Variants in ANKAR observed in about 807,000 individuals in gnomAD.
ANKAR encodes ankyrin and armadillo repeat-containing protein.
ANKAR carries 136 observed loss-of-function variants against 146.2 expected under a neutral mutation model. The observed-to-expected ratio is 0.93, with a 90% CI of 0.81 to 1.07. The LOEUF is 1.07. Among genes scored for constraint, ANKAR ranks in the 50% least tolerant of loss-of-function variants. ANKAR has a pLI of 0.00. For missense variants in ANKAR, 1,567 were observed against 1,679.9 expected, an observed-to-expected ratio of 0.93 and a Z score of 1.18; for synonymous variants, 500 against 575.8, an observed-to-expected ratio of 0.87 and a Z score of 1.88.
intron 10 of ANKAR, among the ~76,000 whole-genome samples, chr2:189,717,646 AC>A (rs929685027): frequency 1.3e-5 from 2 of 152,260 alleles, no homozygotes; most frequent in African/African-American, 4.8e-5. Context: ...ACATAGGTTT[AC>A]TGTGGCACTA....
intron 18 of ANKAR, among the ~76,000 whole-genome samples, chr2:189,757,257 T>C (rs1007441945): frequency 2.6e-5 from 4 of 152,060 alleles, no homozygotes; most frequent in Admixed American, 1.3e-4. Flanking sequence ...GGGAGATGGA[T>C]TTACTATGAA....
At chr2:189,737,650 G>A (rs770198298) in intron 17 of ANKAR, 33 bp from the exon 18 acceptor site, 3 of 1,559,278 alleles carry the variant, frequency 1.9e-6, no homozygotes, top group African/African-American at 1.4e-5. Context: ...GATAAATGAA[G>A]TTCACCATAA....
In ANKAR at chr2:189,693,194, A is replaced by G. The variant is rs772503003; in HGVS notation, c.1307+17A>G. On this transcript the variant is annotated intron_variant, in intron 5 of 22. Transcript: ENST00000684021. ...TGGAAAAAGGTACGGAGCTTTCACT[A>G]ATTACTGACATTAACTACAATTTTT... The G allele has an allele frequency of 1.6e-5, 24 of 1,457,328 alleles. No homozygotes were observed. The Admixed American group carries it at 4.2e-4, about 26-fold the overall frequency. 90.3% of individuals were successfully genotyped at this position (1,457,328 alleles called of 1,614,324 possible).
intron 20 of ANKAR, among the ~76,000 whole-genome samples, chr2:189,742,294 A>C (rs1485865432): frequency 6.6e-6 from 1 of 152,200 alleles, no homozygotes; most frequent in Non-Finnish European, 1.5e-5. Flanking sequence ...AAGACATATG[A>C]GCATACAGAG....
rs1181614618 is a variant in ANKAR, at chr2:189,711,154, G to C, written c.2224+1G>C. ...TACTGGAGATGTATTTTGGATGCAG[G>C]TGATGCAAACTCTATTAATAACTTT... On this transcript the variant is annotated splice_donor_variant, in intron 10 of 22. Coordinates refer to ENST00000684021, the MANE Select transcript of ANKAR (RefSeq NM_001378068.1). LOFTEE classifies it high-confidence loss of function. The C allele has an allele frequency of 6.2e-7, 1 of 1,606,090 alleles. No individual in the cohort carries two copies. The highest frequency in any genetic ancestry group is 8.5e-7 in the Non-Finnish European group (1 of 1,174,352).
At chr2:189,686,898 C>G (rs1184676673) in intron 2 of ANKAR, among the ~76,000 whole-genome samples, 1 of 152,148 alleles carries the variant, frequency 6.6e-6, no homozygotes, top group Non-Finnish European at 1.5e-5. Context: ...ACACGGCATA[C>G]AATGCCTAAT....
intron 17 of ANKAR, among the ~76,000 whole-genome samples, chr2:189,734,474 C>T (rs754514402): frequency 5.3e-5 from 8 of 152,164 alleles, no homozygotes; most frequent in Middle Eastern, 6.8e-3. Flanking sequence ...TGTGGACTGT[C>T]ACTGGTCCAC....
intron 16 of ANKAR, among the ~76,000 whole-genome samples, 199 bp from the exon 17 acceptor site, chr2:189,732,908 A>T (rs1294114266): frequency 6.6e-6 from 1 of 151,988 alleles, no homozygotes; most frequent in African/African-American, 2.4e-5. Flanking sequence ...CAGAAAGGAT[A>T]TTTTCTCAGC....
At chr2:189,690,055 G>A (rs2036160031) in intron 3 of ANKAR, 91 bp downstream of exon 3, 9 of 862,702 alleles carry the variant, frequency 1.0e-5, no homozygotes, top group African/African-American at 5.3e-5. Context: ...ATGGGTGCAG[G>A]CAGTAACCTA....
At chr2:189,725,279 TACACACACACACACAC>T (rs10546393) in intron 12 of ANKAR, among the ~76,000 whole-genome samples, 16 of 146,464 alleles carry the variant, frequency 1.1e-4, no homozygotes, top group Non-Finnish European at 2.1e-4. Context: ...TATGGATTTA[TACACACACACACACAC>T]ACACACACAC....
In ANKAR at chr2:189,736,966, T is replaced by A. The variant is rs118101876; in HGVS notation, c.3424-717T>A. Reference sequence around the variant, plus strand: ...GCACACGCCTTTGGTCTTAGCTACTTGGGAGGCTGAAGTGGGAGCATTGCT... The same window carrying A: ...GCACACGCCTTTGGTCTTAGCTACTAGGGAGGCTGAAGTGGGAGCATTGCT... On this transcript the variant is annotated intron_variant, in intron 17 of 22. Coordinates refer to ENST00000684021, the MANE Select transcript of ANKAR (RefSeq NM_001378068.1). Among the ~76,000 whole-genome samples, 503 of 151,270 alleles carry A rather than the reference T, an allele frequency of 3.3e-3. 16 individuals are homozygous for A. In the East Asian group the frequency reaches 0.082, roughly 25 times the overall value.
intron 9 of ANKAR, among the ~76,000 whole-genome samples, chr2:189,708,262 A>G (rs895397809): frequency 1.3e-5 from 2 of 152,226 alleles, no homozygotes; most frequent in African/African-American, 4.8e-5. Flanking sequence ...TACAGTACAA[A>G]AAGATATTTT....
intron 18 of ANKAR, among the ~76,000 whole-genome samples, chr2:189,758,188 C>A (rs1356999945): frequency 5.3e-5 from 8 of 152,192 alleles, no homozygotes; most frequent in Admixed American, 3.9e-4. Context: ...TTCGAGACAG[C>A]CTGACCAACA....
At chr2:189,723,507 A>C (rs1405308222) in intron 12 of ANKAR, among the ~76,000 whole-genome samples, 3 of 152,188 alleles carry the variant, frequency 2.0e-5, no homozygotes, top group African/African-American at 7.2e-5. Context: ...AACTGAGAAA[A>C]ACTTAAAAGA....
At chr2:189,749,530 G>A (rs1008667264), downstream of ANKAR, among the ~76,000 whole-genome samples, 1 of 151,638 alleles carries the variant, frequency 6.6e-6, no homozygotes, top group African/African-American at 2.4e-5. Context: ...AATATTTGCA[G>A]TACAAAGTTT....
intron 2 of ANKAR, 90 bp downstream of exon 2, chr2:189,677,181 G>A: frequency 7.5e-7 from 1 of 1,326,372 alleles, no homozygotes; most frequent in African/African-American, 1.5e-5. Context: ...GAACCCCTGA[G>A]CTCAAGCCAT....
At chr2:189,707,674 T>C (rs1024987776) in intron 9 of ANKAR, among the ~76,000 whole-genome samples, 1 of 151,220 alleles carries the variant, frequency 6.6e-6, no homozygotes, top group Admixed American at 6.6e-5. Context: ...TAAGGGTCAC[T>C]AGGCCAATTA....
At chr2:189,762,806 T>G (rs2047324571), downstream of ANKAR, 1 of 985,408 alleles carries the variant, frequency 1.0e-6, no homozygotes, top group African/African-American at 1.7e-5. Context: ...ATCGGAACTG[T>G]GCAAGGTCCC....
intron 14 of ANKAR, 92 bp from the exon 15 acceptor site, chr2:189,728,546 TCTTGCCTCAGCCTCCCAAGTAG>T (rs2042101139): frequency 1.4e-6 from 2 of 1,479,734 alleles, no homozygotes; most frequent in East Asian, 4.7e-5. Flanking sequence ...CAAGTGATCC[TCTTGCCTCAGCCTCCCAAGTAG>T]CTGGGATTAC....
Sources: gnomAD v4.1 joint callset for allele counts (sites outside exome capture counted in the v4.1 genomes callset) on GRCh38, gnomAD v4.1.1 for gene constraint, MANE v1.5 for transcripts, NCBI Gene and HGNC (gene_info 2026-07-23, HGNC 2026-07-21) for gene names.